HIPK2: variants seen among roughly 807,000 people sequenced by gnomAD.
HIPK2 encodes the protein homeodomain-interacting protein kinase 2.
Under a neutral mutation model 113.7 loss-of-function variants are expected in HIPK2, and 27 were observed. The observed-to-expected ratio is 0.24, with a 90% confidence interval of 0.17 to 0.33. The LOEUF (loss-of-function observed/expected upper bound fraction) is 0.33, where lower values mean the gene tolerates loss of function less well. Ranked by LOEUF, HIPK2 falls within the 10% of genes least tolerant of loss-of-function variation. HIPK2 has a pLI of 1.00. For synonymous variants in HIPK2, 631 were observed against 642.2 expected (o/e 0.98, Z 0.26); for missense variants, 1,257 against 1,588.0 (o/e 0.79, Z 3.54).
chr7:139,761,947 G>C (rs1796471882), intron 1 of HIPK2, among the ~76,000 whole-genome samples: 1 of 152,180 alleles, frequency 6.6e-6, no homozygotes, highest in South Asian at 2.1e-4. Flanking sequence ...GACAGAGAGA[G>C]AGAGAGAGAG....
intron 2 of HIPK2, among the ~76,000 whole-genome samples, chr7:139,698,110 C>T (rs2116830226): frequency 1.3e-5 from 2 of 152,284 alleles, no homozygotes; most frequent in South Asian, 4.2e-4. Flanking sequence ...AGTGATCTGT[C>T]CATCTTGGCC....
intron 2 of HIPK2, among the ~76,000 whole-genome samples, chr7:139,667,691 A>G (rs1474260898): frequency 2.0e-5 from 3 of 152,222 alleles, no homozygotes; most frequent in African/African-American, 2.4e-5. Context: ...ATTCTCGGGA[A>G]AATATTTGTA....
chr7:139,677,847 G>A (rs1356980144), intron 2 of HIPK2, among the ~76,000 whole-genome samples: 1 of 152,226 alleles, frequency 6.6e-6, no homozygotes, highest in Non-Finnish European at 1.5e-5. Context: ...CAGTGTGAAA[G>A]TGTTCCTATT....
rs902031309 is a variant in HIPK2 at position 139,631,769 on chromosome 7, C to T, written c.1104-44G>A. Reference sequence around the variant, plus strand: ...AGAAACCATTAGCAAGTTGGAAATGCAGGAAGCTGTTTCTATATGAATACT... The same window carrying T: ...AGAAACCATTAGCAAGTTGGAAATGTAGGAAGCTGTTTCTATATGAATACT... On this transcript the variant is annotated intron_variant, in intron 2 of 14. Coordinates refer to ENST00000406875, the MANE Select transcript of HIPK2 (RefSeq NM_022740.5). This position sits in a 1 kb window ranked among gnomAD's most constrained non-coding sequence, Gnocchi z 4.9. 2 of 1,583,758 alleles carry T rather than the reference C, an allele frequency of 1.3e-6. No homozygotes were observed. Among genetic ancestry groups the T allele is most frequent in the African/African-American group, 2.7e-5 (2 of 73,850 alleles).
At chr7:139,576,769 T>C (rs1201259245) in intron 13 of HIPK2, among the ~76,000 whole-genome samples, 1 of 152,164 alleles carries the variant, frequency 6.6e-6, no homozygotes, top group Non-Finnish European at 1.5e-5. Context: ...CCAAGAAGGC[T>C]GATGGAACAG....
chr7:139,777,764 T>A lies in HIPK2; in HGVS notation c.-141A>T. ...GCAGCCGAGGCCGCCCGCGCCCGCA[T>A]CACCGCCTCCCGTGGCCGGCGCCGG... On this transcript the variant is annotated 5_prime_UTR_variant, in exon 1 of 15. It removes an upstream start codon present in the reference 5' UTR. Coordinates refer to ENST00000406875, the MANE Select transcript of HIPK2 (RefSeq NM_022740.5). The A allele has an allele frequency of 1.5e-6, 1 of 687,174 alleles. No homozygotes were observed. The highest frequency in any genetic ancestry group is 1.8e-6 in the Non-Finnish European group (1 of 558,940). 42.6% of individuals were successfully genotyped at this position (687,174 alleles called of 1,614,324 possible).
chr7:139,744,752 C>G (rs753221211), intron 1 of HIPK2, among the ~76,000 whole-genome samples: 1 of 152,290 alleles, frequency 6.6e-6, no homozygotes, highest in Non-Finnish European at 1.5e-5. Context: ...GACGGACTTA[C>G]GGCAAGTGGA....
chr7:139,595,084 C>T (rs1388558097), intron 12 of HIPK2, among the ~76,000 whole-genome samples: 1 of 152,204 alleles, frequency 6.6e-6, no homozygotes, highest in Non-Finnish European at 1.5e-5. Flanking sequence ...CTCCTGGGCA[C>T]AGATGTTGAG....
chr7:139,654,773 AGG>A (rs1801597541), intron 2 of HIPK2, among the ~76,000 whole-genome samples: 1 of 152,208 alleles, frequency 6.6e-6, no homozygotes. Context: ...GCTTAAGAAG[AGG>A]CCTGTTCATT....
At chr7:139,578,918 C>T (rs1697008878) in intron 13 of HIPK2, among the ~76,000 whole-genome samples, 2 of 152,130 alleles carry the variant, frequency 1.3e-5, no homozygotes, top group Admixed American at 6.5e-5. Context: ...GTGATCTGCC[C>T]CACCCTTGGC....
chr7:139,694,298 C>T (rs998857381), intron 2 of HIPK2, among the ~76,000 whole-genome samples: 2 of 152,194 alleles, frequency 1.3e-5, no homozygotes, highest in African/African-American at 4.8e-5. Flanking sequence ...ACACGCTCCA[C>T]AAGACACCAG....
chr7:139,694,824 G>T (rs1455286626), intron 2 of HIPK2, among the ~76,000 whole-genome samples: 2 of 152,196 alleles, frequency 1.3e-5, no homozygotes, highest in African/African-American at 2.4e-5. Flanking sequence ...CCCAGGACAG[G>T]TGACTGGCAA....
chr7:139,600,323 G>A, intron 11 of HIPK2, 94 bp downstream of exon 11: 1 of 1,394,544 alleles, frequency 7.2e-7, no homozygotes, highest in South Asian at 1.4e-5. Context: ...ACTGTCCCAT[G>A]TTCAGAGTGG....
chr7:139,568,277 T>A lies in HIPK2; in HGVS notation c.*4650A>T, dbSNP rs920781744. The A allele has an allele frequency of 1.4e-4, 21 of 152,374 alleles. No homozygotes were observed. Among genetic ancestry groups the A allele is most frequent in the Admixed American group, 6.5e-4 (10 of 15,280 alleles). The allele number at this position is 152,374 out of a possible 1,614,324, so 9.4% of individuals were successfully genotyped here. On this transcript the variant is annotated 3_prime_UTR_variant, in exon 15 of 15. Coordinates refer to ENST00000406875, the MANE Select transcript of HIPK2 (RefSeq NM_022740.5). ...CAGCCACCAGGAAGACTAGAAAGGC[T>A]AACAGTCCAGGAGATGAATGCCGCT...
intron 2 of HIPK2, among the ~76,000 whole-genome samples, chr7:139,660,288 A>C (rs1997011): frequency 0.25 from 38,474 of 151,872 alleles, 5,005 homozygotes; most frequent in East Asian, 0.41. Flanking sequence ...AAAAACAACC[A>C]ATTTTTTGTT....
chr7:139,703,860 C>T (rs1390235118), intron 2 of HIPK2, among the ~76,000 whole-genome samples: 1 of 4,934 alleles, frequency 2.0e-4, no homozygotes, highest in South Asian at 7.5e-3. Flanking sequence ...TATACCCAAC[C>T]TACACACCCA....
At chr7:139,578,526 G>A (rs140137380) in intron 13 of HIPK2, among the ~76,000 whole-genome samples, 3 of 152,216 alleles carry the variant, frequency 2.0e-5, no homozygotes, top group Non-Finnish European at 2.9e-5. Flanking sequence ...AGAGAGAAAG[G>A]TAATGAGTAA....
At chr7:139,775,994 G>C (rs1796735231) in intron 1 of HIPK2, among the ~76,000 whole-genome samples, 1 of 152,140 alleles carries the variant, frequency 6.6e-6, no homozygotes, top group South Asian at 2.1e-4. Context: ...GGAGTCTCAA[G>C]GAGGTACTTA....
rs371335644 is a variant in HIPK2 at position 139,683,515 on chromosome 7, C to T, written c.1103+32417G>A. Reference sequence around the variant, plus strand: ...GAGAAATACCAGAGAGAGAGACACACGCATACCAAGACAGAAGCTGCAGAA... The same window carrying T: ...GAGAAATACCAGAGAGAGAGACACATGCATACCAAGACAGAAGCTGCAGAA... On this transcript the variant is annotated intron_variant, in intron 2 of 14. Transcript: ENST00000406875. This position sits in a 1 kb window ranked among gnomAD's most constrained non-coding sequence, Gnocchi z 4.2. Among the ~76,000 whole-genome samples, 2 of 152,296 alleles carry T rather than the reference C, an allele frequency of 1.3e-5. No individual in the cohort carries two copies. The highest frequency in any genetic ancestry group is 1.9e-4 in the East Asian group (1 of 5,174).
Sources: allele counts gnomAD v4.1 joint callset (sites outside exome capture counted in the v4.1 genomes callset), GRCh38; gene constraint gnomAD v4.1.1; non-coding constraint Gnocchi (gnomAD v3.1); transcripts MANE v1.5; gene names NCBI Gene and HGNC (gene_info 2026-07-23, HGNC 2026-07-21).